The following PTPRA variants were observed in gnomAD, a reference collection of about 807,000 sequenced individuals.
PTPRA encodes receptor-type tyrosine-protein phosphatase alpha.
PTPRA carries 25 observed loss-of-function variants against 104.8 expected under a neutral mutation model. That is an observed-to-expected ratio of 0.24 (90% CI 0.17 to 0.33). The LOEUF (loss-of-function observed/expected upper bound fraction) is 0.33. Among genes scored for constraint, PTPRA ranks in the 10% least tolerant of loss-of-function variants. The pLI is 1.00. For missense variants in PTPRA, 765 were observed against 1,015.3 expected (o/e 0.75, Z 3.35); for synonymous variants, 323 against 368.9 (o/e 0.88, Z 1.43).
intron 2 of PTPRA, among the ~76,000 whole-genome samples, chr20:2,923,927 A>G (rs2060193829): frequency 6.6e-6 from 1 of 152,220 alleles, no homozygotes; most frequent in South Asian, 2.1e-4. Context: ...AGTTTTAGAA[A>G]ACTCTTTGGC....
intron 22 of PTPRA, among the ~76,000 whole-genome samples, chr20:3,036,574 T>C (rs2065810260): frequency 6.6e-6 from 1 of 152,166 alleles, no homozygotes; most frequent in African/African-American, 2.4e-5. Flanking sequence ...GAACTCCCAC[T>C]CCTCTTTTCT....
chr20:2,886,725 G>T (rs1418478475), intron 1 of PTPRA, among the ~76,000 whole-genome samples: 2 of 150,838 alleles, frequency 1.3e-5, no homozygotes, highest in Admixed American at 6.6e-5. Flanking sequence ...GCATGGTGGT[G>T]CATACCTGTA....
intron 2 of PTPRA, among the ~76,000 whole-genome samples, chr20:2,936,466 G>GT (rs1424518000): frequency 6.6e-6 from 1 of 151,078 alleles, no homozygotes; most frequent in African/African-American, 2.4e-5. Flanking sequence ...CCTGGCCTAG[G>GT]TCTTTTTTTT....
At chr20:2,903,682 C>G (rs546320594) in intron 1 of PTPRA, among the ~76,000 whole-genome samples, 1 of 151,438 alleles carries the variant, frequency 6.6e-6, no homozygotes, top group African/African-American at 2.4e-5. Flanking sequence ...AGTGAGACCC[C>G]AACTTAAAAA....
intron 1 of PTPRA, among the ~76,000 whole-genome samples, chr20:2,896,415 C>G (rs149723292): frequency 7.2e-5 from 11 of 152,090 alleles, no homozygotes; most frequent in African/African-American, 2.7e-4. Flanking sequence ...AACACACACA[C>G]GCAAAGAATA....
At chr20:2,879,157 T>C (rs539443530) in intron 1 of PTPRA, among the ~76,000 whole-genome samples, 2 of 152,092 alleles carry the variant, frequency 1.3e-5, no homozygotes, top group Admixed American at 1.3e-4. Context: ...AAGAATAGGG[T>C]GTCGGGAGTG....
At chr20:3,030,495 A>C (rs2065384944) in intron 20 of PTPRA, among the ~76,000 whole-genome samples, 1 of 152,130 alleles carries the variant, frequency 6.6e-6, no homozygotes, top group Non-Finnish European at 1.5e-5. Context: ...AGCTCCCAGA[A>C]GTAATTAACG....
chr20:2,886,982 A>G (rs1008260403), intron 1 of PTPRA, among the ~76,000 whole-genome samples: 2 of 152,228 alleles, frequency 1.3e-5, no homozygotes, highest in Admixed American at 6.5e-5. Context: ...AAATATTTGT[A>G]TAATGGGGGT....
chr20:2,952,085 A>G (rs931830866), intron 3 of PTPRA, among the ~76,000 whole-genome samples: 1 of 151,508 alleles, frequency 6.6e-6, no homozygotes, highest in Non-Finnish European at 1.5e-5. Flanking sequence ...GCACCACGGC[A>G]CTCCAGCCTG....
At chr20:2,922,858 C>G (rs546554251) in intron 1 of PTPRA, among the ~76,000 whole-genome samples, 29 of 151,660 alleles carry the variant, frequency 1.9e-4, no homozygotes, top group African/African-American at 6.5e-4. Flanking sequence ...TGGTCTCAAA[C>G]TCCTGACCTC....
intron 3 of PTPRA, among the ~76,000 whole-genome samples, chr20:2,961,174 T>G (rs1019876117): frequency 1.3e-5 from 2 of 152,212 alleles, no homozygotes; most frequent in Non-Finnish European, 1.5e-5. Context: ...GATCATATGG[T>G]AAGAGCTTAT....
chr20:2,998,391 G>T (rs1433016811), intron 9 of PTPRA, among the ~76,000 whole-genome samples: 1 of 152,124 alleles, frequency 6.6e-6, no homozygotes, highest in African/African-American at 2.4e-5. Context: ...GTTGAGATGG[G>T]TGAAATCGCC....
rs768425635 is a variant in PTPRA at position 3,027,857 on chromosome 20, C to T, written c.1920+16C>T. The T allele has an allele frequency of 1.2e-6, 2 of 1,612,750 alleles. No individual in the cohort carries two copies. The highest frequency in any genetic ancestry group is 2.2e-5 in the South Asian group (2 of 90,878). ...GAGAGGCCAGGTGAGTTCAAAAGGT[C>T]CTGGGTGGTGAGAGACAGAGACAGC... On this transcript the variant is annotated intron_variant, in intron 20 of 23. Transcript: ENST00000399903.
At chr20:2,906,006 C>T (rs1490818910) in intron 1 of PTPRA, among the ~76,000 whole-genome samples, 2 of 151,992 alleles carry the variant, frequency 1.3e-5, no homozygotes, top group Non-Finnish European at 2.9e-5. Context: ...CTTAAACGAT[C>T]TATACTCAGT....
intron 2 of PTPRA, among the ~76,000 whole-genome samples, chr20:2,933,450 G>A (rs1393263120): frequency 1.3e-5 from 2 of 149,802 alleles, no homozygotes; most frequent in Non-Finnish European, 3.0e-5. Flanking sequence ...TTGGTTGGTT[G>A]GTTGGTTGGT....
chr20:3,008,754 A>AAAAAAAAAC (rs2064003107), intron 11 of PTPRA, among the ~76,000 whole-genome samples: 1 of 134,596 alleles, frequency 7.4e-6, no homozygotes, highest in Non-Finnish European at 1.5e-5. Flanking sequence ...ACAAAAAAAA[A>AAAAAAAAAC]AAAAACAACT....
rs1318964644 is a variant in PTPRA at position 3,026,419 on chromosome 20, C to T, written c.1615-268C>T. On this transcript the variant is annotated intron_variant, in intron 17 of 23. Coordinates refer to ENST00000399903, the MANE Select transcript of PTPRA (RefSeq NM_001385305.1). ...TGCAGAGTGGACACACTCCCTCCTACGATGCTGGAATCCCTTGCTCCAGGA... is the reference window on the plus strand; with the variant it reads ...TGCAGAGTGGACACACTCCCTCCTATGATGCTGGAATCCCTTGCTCCAGGA... Among the ~76,000 whole-genome samples the T allele has an allele frequency of 4.6e-5, 7 of 152,124 alleles. 1 individual carries two copies. Among genetic ancestry groups the T allele is most frequent in the South Asian group, 4.1e-4 (2 of 4,828 alleles).
At chr20:3,025,552 A>C (rs1364153701) in intron 17 of PTPRA, among the ~76,000 whole-genome samples, 1 of 151,798 alleles carries the variant, frequency 6.6e-6, no homozygotes, top group Non-Finnish European at 1.5e-5. Flanking sequence ...TAGCATGTGC[A>C]CAGATTTCTT....
chr20:2,878,538 ATTC>A (rs1239171856), intron 1 of PTPRA, among the ~76,000 whole-genome samples: 1 of 152,124 alleles, frequency 6.6e-6, no homozygotes, highest in Non-Finnish European at 1.5e-5. Context: ...AATCCTTTTT[ATTC>A]TTTTATTTTT....
Sources: gnomAD v4.1 joint callset for allele counts (sites outside exome capture counted in the v4.1 genomes callset) on GRCh38, gnomAD v4.1.1 for gene constraint, MANE v1.5 for transcripts, NCBI Gene and HGNC (gene_info 2026-07-23, HGNC 2026-07-21) for gene names.